TXNL4A: variants seen among roughly 807,000 people sequenced by gnomAD.
TXNL4A encodes the protein thioredoxin like 4A, also known as thioredoxin-like protein 4A.
TXNL4A carries 17 observed loss-of-function variants against 14.6 expected under a neutral mutation model. The observed-to-expected ratio is 1.16, with a 90% CI of 0.80 to 1.74. TXNL4A has a LOEUF of 1.74. TXNL4A is among the 40% of genes most tolerant of loss of function. The pLI, the probability that TXNL4A is intolerant of heterozygous loss-of-function variation, is 0.00. For missense variants in TXNL4A, 74 were observed against 195.2 expected (o/e 0.38, Z 3.70); for synonymous variants, 83 against 70.6 (o/e 1.18, Z -0.88).
intron 1 of TXNL4A, among the ~76,000 whole-genome samples, chr18:80,009,459 C>T (rs933642081): frequency 6.6e-6 from 1 of 152,166 alleles, no homozygotes. Flanking sequence ...CCTGTGGATC[C>T]TCTCAAGTTT....
At chr18:79,980,566 T>C (rs1450435693) in intron 1 of TXNL4A, among the ~76,000 whole-genome samples, 4 of 152,166 alleles carry the variant, frequency 2.6e-5, no homozygotes, top group Non-Finnish European at 5.9e-5. Context: ...GGAAATATTT[T>C]TTAAAAATTA....
Position 79,972,061 on chromosome 18 carries a change from T to C in TXNL4A, c.*1624A>G, listed in dbSNP as rs2051307677. 6.6e-6 allele frequency: 1 copy of C among 152,230 alleles called. No individual in the cohort carries two copies. Among genetic ancestry groups the C allele is most frequent in the Non-Finnish European group, 1.5e-5 (1 of 68,050 alleles). The allele number at this position is 152,230 out of a possible 1,614,324, so 9.4% of individuals were successfully genotyped here. ...AATCCATTTAAAAAGCACACACTCA[T>C]TTGTACTGTATGTAAAAAATGTGCT... is the stretch of plus-strand genomic sequence containing the variant. On this transcript the variant is annotated 3_prime_UTR_variant, in exon 3 of 3. Transcript: ENST00000269601.
intron 1 of TXNL4A, among the ~76,000 whole-genome samples, chr18:80,010,076 C>A (rs554939720): frequency 2.0e-5 from 3 of 152,132 alleles, no homozygotes; most frequent in African/African-American, 7.2e-5. Flanking sequence ...CCAGTTATTA[C>A]GCAATGCACC....
chr18:80,013,144 G>A (rs1443860922), intron 1 of TXNL4A, among the ~76,000 whole-genome samples: 1 of 144,812 alleles, frequency 6.9e-6, no homozygotes, highest in Non-Finnish European at 1.5e-5. Context: ...TTTTTGAGAC[G>A]GAGTCTGGCT....
chr18:80,030,746 A>C (rs183075107), intron 1 of TXNL4A, among the ~76,000 whole-genome samples: 22 of 152,302 alleles, frequency 1.4e-4, no homozygotes, highest in Admixed American at 1.0e-3. Context: ...TGGGTGGATC[A>C]TTTGAGATCA....
chr18:80,021,802 G>A (rs375186908), intron 1 of TXNL4A, among the ~76,000 whole-genome samples: 29 of 152,086 alleles, frequency 1.9e-4, no homozygotes, highest in African/African-American at 4.1e-4. Flanking sequence ...TGGCTTTAGC[G>A]GGTACTGCTT....
At chr18:80,013,182 G>C (rs118096710) in intron 1 of TXNL4A, among the ~76,000 whole-genome samples, 1 of 147,952 alleles carries the variant, frequency 6.8e-6, no homozygotes, top group Non-Finnish European at 1.5e-5. Context: ...GCACAGTGGC[G>C]CGCGATCTTG....
At chr18:80,000,419 T>G (rs570582160) in intron 1 of TXNL4A, among the ~76,000 whole-genome samples, 1 of 152,292 alleles carries the variant, frequency 6.6e-6, no homozygotes, top group South Asian at 2.1e-4. Context: ...CTGTGAAACT[T>G]TGAACTTGAG....
chr18:79,999,449 T>C lies in TXNL4A; in HGVS notation c.-60-21748A>G, dbSNP rs571083513. The stretch of plus-strand genomic sequence containing the variant: ...TACTTGGGAGGTTGAAGCAGGAGAA[T>C]TGCTTGAACCCGGGAGGTGGAGGTT... On this transcript the variant is annotated intron_variant, in intron 1 of 2. Coordinates refer to the TXNL4A transcript ENST00000585474. Among the ~76,000 whole-genome samples the C allele has an allele frequency of 3.3e-5, 5 of 151,130 alleles. No individual in the cohort carries two copies. In the South Asian group the frequency reaches 1.0e-3, roughly 32 times the overall value.
chr18:79,972,870 C>T lies in TXNL4A; in HGVS notation c.*815G>A, dbSNP rs972675232. The T allele has an allele frequency of 3.3e-5, 5 of 152,180 alleles. No individual in the cohort carries two copies. The highest frequency in any genetic ancestry group is 1.2e-4 in the African/African-American group (5 of 41,458). 9.4% of individuals were successfully genotyped at this position (152,180 alleles called of 1,614,324 possible). A position where few individuals can be genotyped will look rare whatever the true frequency, so the allele number is the denominator to read the frequency against. Reference sequence around the variant, plus strand: ...AGAATAAAAAATAGCTCTCCTATTCCTTACAGGGAAGGCTATAAACAATAT... The same window carrying T: ...AGAATAAAAAATAGCTCTCCTATTCTTTACAGGGAAGGCTATAAACAATAT... On this transcript the variant is annotated 3_prime_UTR_variant, in exon 3 of 3. Transcript: ENST00000269601.
intron 1 of TXNL4A, among the ~76,000 whole-genome samples, chr18:80,032,642 C>A (rs1216755860): frequency 6.6e-6 from 1 of 152,130 alleles, no homozygotes; most frequent in Non-Finnish European, 1.5e-5. Flanking sequence ...GAGTTTGAGA[C>A]CAGCTTGGCC....
At chr18:80,002,245 C>T (rs565783389) in intron 1 of TXNL4A, among the ~76,000 whole-genome samples, 5 of 152,142 alleles carry the variant, frequency 3.3e-5, no homozygotes, top group Non-Finnish European at 7.4e-5. Flanking sequence ...AATCCTGAAC[C>T]AGCAAACAGA....
At chr18:80,000,720 T>C (rs1348580638) in intron 1 of TXNL4A, among the ~76,000 whole-genome samples, 1 of 152,152 alleles carries the variant, frequency 6.6e-6, no homozygotes, top group Non-Finnish European at 1.5e-5. Context: ...AGTGGCATGA[T>C]CTCGGCTCAC....
intron 1 of TXNL4A, among the ~76,000 whole-genome samples, chr18:80,022,491 T>C (rs767623009): frequency 6.6e-6 from 1 of 152,228 alleles, no homozygotes; most frequent in African/African-American, 2.4e-5. Flanking sequence ...AGTTGTTGAA[T>C]AGTATAGAAA....
chr18:79,994,626 C>G (rs2051648533), intron 1 of TXNL4A, among the ~76,000 whole-genome samples: 1 of 152,136 alleles, frequency 6.6e-6, no homozygotes, highest in Non-Finnish European at 1.5e-5. Context: ...AATCGTTTAT[C>G]TCTCTTAAAG....
At chr18:80,015,502 C>A (rs1319753641) in intron 1 of TXNL4A, among the ~76,000 whole-genome samples, 1 of 151,590 alleles carries the variant, frequency 6.6e-6, no homozygotes, top group African/African-American at 2.4e-5. Context: ...CTAATGCTAT[C>A]CCTCCCCCCT....
chr18:80,029,503 A>G (rs547119280), intron 1 of TXNL4A, among the ~76,000 whole-genome samples: 3 of 152,324 alleles, frequency 2.0e-5, no homozygotes, highest in Non-Finnish European at 2.9e-5. Context: ...TCCTACTAGA[A>G]AAAATTATCC....
chr18:79,996,115 A>AC (rs1348588785), intron 1 of TXNL4A, among the ~76,000 whole-genome samples: 7 of 150,664 alleles, frequency 4.6e-5, no homozygotes, highest in Non-Finnish European at 1.0e-4. Flanking sequence ...AAAAAAAAAA[A>AC]AAAAAAAAAA....
At chr18:79,983,079 C>A (rs951991073) in intron 1 of TXNL4A, among the ~76,000 whole-genome samples, 1 of 152,118 alleles carries the variant, frequency 6.6e-6, no homozygotes, top group Non-Finnish European at 1.5e-5. Context: ...CGGCTCACTG[C>A]AACCTCTGTT....
Sources: gnomAD v4.1 joint callset for allele counts (sites outside exome capture counted in the v4.1 genomes callset) on GRCh38, gnomAD v4.1.1 for gene constraint, MANE v1.5 for transcripts, NCBI Gene and HGNC (gene_info 2026-07-23, HGNC 2026-07-21) for gene names.